MACF1: variants seen among roughly 807,000 people sequenced by gnomAD.
MACF1 encodes microtubule-actin cross-linking factor 1.
Under a neutral mutation model 854.8 loss-of-function variants are expected in MACF1, and 193 were observed. The ratio of observed to expected loss-of-function variants is 0.23; its 90% CI spans 0.20 to 0.25. The LOEUF (loss-of-function observed/expected upper bound fraction) is 0.25. Ranked by LOEUF, MACF1 falls within the 10% of genes least tolerant of loss-of-function variation. The probability of loss-of-function intolerance (pLI) is 1.00; values close to 1 mark genes in which losing one functional copy is unlikely to be tolerated. For synonymous variants in MACF1, 3,185 were observed against 3,226.7 expected (o/e 0.99, Z 0.44); for missense variants, 7,722 against 8,929.1 (o/e 0.86, Z 5.45).
chr1:39,415,638 G>A (rs1026416190), intron 58 of MACF1, among the ~76,000 whole-genome samples: 1 of 151,728 alleles, frequency 6.6e-6, no homozygotes, highest in East Asian at 1.9e-4. Flanking sequence ...TGGGATTACA[G>A]GCGTGAGCCA....
rs1641617368 is a variant in MACF1 at position 39,084,544 on chromosome 1, A to G, written c.220+106A>G. On this transcript the variant is annotated intron_variant, in intron 2 of 93. Coordinates refer to the MACF1 transcript ENST00000361689. This position sits in a 1 kb window ranked among gnomAD's most constrained non-coding sequence, Gnocchi z 5.2. ...CGAGGGGTCCTCACCAGGGCCTCTG[A>G]CAAAGCAGCCATCATCTGATTTGTT... 1 of 820,498 alleles carries G rather than the reference A, an allele frequency of 1.2e-6. No homozygotes were observed. Among genetic ancestry groups the G allele is most frequent in the Admixed American group, 2.5e-5 (1 of 39,610 alleles). The allele number at this position is 820,498 out of a possible 1,614,324, so 50.8% of individuals were successfully genotyped here.
chr1:39,469,310 A>G (rs1644730841), intron 96 of MACF1, among the ~76,000 whole-genome samples: 2 of 152,214 alleles, frequency 1.3e-5, no homozygotes, highest in African/African-American at 2.4e-5. Context: ...TCAATTTAAT[A>G]TGAGCATGAG....
At chr1:39,401,016 A>G (rs891320710) in intron 58 of MACF1, among the ~76,000 whole-genome samples, 6 of 152,214 alleles carry the variant, frequency 3.9e-5, no homozygotes, top group African/African-American at 1.2e-4. Flanking sequence ...TGTGGGAACA[A>G]TAGGGCTTAT....
chr1:39,337,896 A>G (rs560536706), intron 38 of MACF1, among the ~76,000 whole-genome samples: 137 of 151,732 alleles, frequency 9.0e-4, no homozygotes, highest in Non-Finnish European at 1.4e-3. Flanking sequence ...CAGCCTCCCG[A>G]GTAGCTGGGA....
At chr1:39,249,562 G>T (rs1645017820) in intron 2 of MACF1, among the ~76,000 whole-genome samples, 1 of 152,158 alleles carries the variant, frequency 6.6e-6, no homozygotes, top group African/African-American at 2.4e-5. Flanking sequence ...TGTAAGAGAA[G>T]GGTTAAATTG....
intron 70 of MACF1, among the ~76,000 whole-genome samples, chr1:39,436,705 G>A (rs1023601123): frequency 6.6e-6 from 1 of 152,186 alleles, no homozygotes; most frequent in Non-Finnish European, 1.5e-5. Context: ...TAGGACACTT[G>A]AAATTGATAA....
intron 2 of MACF1, among the ~76,000 whole-genome samples, chr1:39,086,988 A>G (rs1641688533): frequency 6.6e-6 from 1 of 152,190 alleles, no homozygotes; most frequent in Non-Finnish European, 1.5e-5. Flanking sequence ...GGAGAGAGGC[A>G]GCAGAGACGA....
intron 1 of MACF1, among the ~76,000 whole-genome samples, chr1:39,219,364 T>G: frequency 6.6e-6 from 1 of 152,224 alleles, no homozygotes; most frequent in East Asian, 1.9e-4. Flanking sequence ...TTGGGAAGAT[T>G]ACTAACAAGT....
chr1:39,099,389 T>A (rs1642012931), intron 2 of MACF1, among the ~76,000 whole-genome samples: 1 of 152,202 alleles, frequency 6.6e-6, no homozygotes, highest in African/African-American at 2.4e-5. Context: ...ACTCCTGACC[T>A]CAGGTGATCT....
chr1:39,281,160 G>A (rs1268016774), intron 6 of MACF1, among the ~76,000 whole-genome samples: 2 of 152,094 alleles, frequency 1.3e-5, no homozygotes, highest in Admixed American at 1.3e-4. Flanking sequence ...GCTGTATTTT[G>A]GAGATTTCTT....
At chr1:39,143,178 C>A (rs1643384240) in intron 2 of MACF1, among the ~76,000 whole-genome samples, 1 of 152,158 alleles carries the variant, frequency 6.6e-6, no homozygotes, top group Non-Finnish European at 1.5e-5. Flanking sequence ...AATTTTTATT[C>A]TTTCTATCAA....
Position 39,334,006 on chromosome 1 carries a change from A to C in MACF1, c.7418A>C (p.Asp2473Ala). Residue 2473 changes from aspartate (D) to alanine (A), a missense_variant, in exon 37 of 101, where the codon GAT (aspartate) becomes GCT (alanine). Physicochemically the swap from Asp to Ala is moderately radical, Grantham distance 126. Coordinates refer to ENST00000564288, the MANE Select transcript of MACF1 (RefSeq NM_001394062.1). ...QMETTGLIDP[D>A]SKAPLTVVQS... ...GAAACAACAGGACTTATAGACCCTG[A>C]TAGTAAAGCACCTTTAACAGTTGTG... The C allele has an allele frequency of 1.2e-6, 2 of 1,614,210 alleles. No individual in the cohort carries two copies. The highest frequency in any genetic ancestry group is 1.7e-6 in the Non-Finnish European group (2 of 1,180,030).
Position 39,485,751 on chromosome 1 carries a change from A to C in MACF1, c.22625A>C (p.Lys7542Thr). Residue 7542 changes from lysine (K) to threonine (T), a missense_variant, in exon 101 of 101, where the codon AAG (lysine) becomes ACG (threonine). This residue lies in a region of MACF1 where 185 missense variants were observed against 225.7 expected (regional missense o/e 0.82). Transcript: ENST00000564288. ...KPSKIPTMSK[K>T]TTTASPRTPG... ...TCCAAAATCCCAACCATGTCTAAGAAGACCACCACTGCCTCCCCCAGGACT... is the reference window on the plus strand; with the variant it reads ...TCCAAAATCCCAACCATGTCTAAGACGACCACCACTGCCTCCCCCAGGACT... The C allele has an allele frequency of 6.2e-7, 1 of 1,612,222 alleles. No homozygotes were observed. Among genetic ancestry groups the C allele is most frequent in the South Asian group, 1.1e-5 (1 of 91,028 alleles).
At chr1:39,134,743 G>A (rs997069887) in intron 2 of MACF1, among the ~76,000 whole-genome samples, 2 of 152,064 alleles carry the variant, frequency 1.3e-5, no homozygotes, top group African/African-American at 2.4e-5. Flanking sequence ...TTTATTAGTA[G>A]GAGTCATAAT....
At chr1:39,175,008 A>G (rs1220398684) in intron 2 of MACF1, among the ~76,000 whole-genome samples, 1 of 152,056 alleles carries the variant, frequency 6.6e-6, no homozygotes, top group Admixed American at 6.6e-5. Context: ...TTCTTCCCCA[A>G]ATTGCTGGGA....
chr1:39,444,873 A>G (rs764413084), intron 80 of MACF1, 38 bp downstream of exon 80: 1 of 1,511,874 alleles, frequency 6.6e-7, no homozygotes, highest in South Asian at 1.3e-5. Context: ...TAATTTGCTG[A>G]GTGATTGCAT....
chr1:39,121,686 A>G (rs1257245216), intron 2 of MACF1, among the ~76,000 whole-genome samples: 1 of 152,150 alleles, frequency 6.6e-6, no homozygotes, highest in African/African-American at 2.4e-5. Context: ...GACCTCAGGT[A>G]GTCCGCTCGT....
chr1:39,088,175 T>C (rs1006104008), intron 2 of MACF1, among the ~76,000 whole-genome samples: 11 of 152,112 alleles, frequency 7.2e-5, no homozygotes, highest in African/African-American at 1.9e-4. Context: ...GGTTTCACCA[T>C]GTTAGCCAGG....
chr1:39,255,989 G>A (rs1020796116), intron 5 of MACF1, among the ~76,000 whole-genome samples: 5 of 152,310 alleles, frequency 3.3e-5, no homozygotes, highest in African/African-American at 1.2e-4. Context: ...TACTAGAGCC[G>A]TTCTTGGTAA....
Sources: allele counts gnomAD v4.1 joint callset (sites outside exome capture counted in the v4.1 genomes callset), GRCh38; gene constraint gnomAD v4.1.1; regional missense constraint gnomAD v4.1.1; non-coding constraint Gnocchi (gnomAD v3.1); transcripts MANE v1.5; gene names NCBI Gene and HGNC (gene_info 2026-07-23, HGNC 2026-07-21).